ADAMTS18: variants seen among roughly 807,000 people sequenced by gnomAD.
The protein encoded by ADAMTS18 is A disintegrin and metalloproteinase with thrombospondin motifs 18.
A neutral mutation model predicts 165.9 loss-of-function variants in ADAMTS18; 157 were observed. The ratio of observed to expected loss-of-function variants is 0.95; its 90% CI spans 0.83 to 1.08. The LOEUF (loss-of-function observed/expected upper bound fraction) is 1.08. ADAMTS18 is among the 50% of genes least tolerant of loss of function. The pLI, the probability that ADAMTS18 is intolerant of heterozygous loss-of-function variation, is 0.00. For synonymous variants in ADAMTS18, 782 were observed against 578.2 expected (o/e 1.35, Z -5.06); for missense variants, 2,040 against 1,534.0 (o/e 1.33, Z -5.51).
intron 4 of ADAMTS18, 132 bp downstream of exon 4, chr16:77,367,309 A>G (rs1295804497): frequency 2.2e-6 from 2 of 929,316 alleles, no homozygotes; most frequent in South Asian, 2.8e-5. Context: ...AGAGATAATT[A>G]CTGGTCCTAC....
At chr16:77,328,633 A>G (rs758029284) in intron 12 of ADAMTS18, among the ~76,000 whole-genome samples, 3 of 152,188 alleles carry the variant, frequency 2.0e-5, no homozygotes, top group Non-Finnish European at 4.4e-5. Context: ...CACTTAGAAA[A>G]ATCTTTAAGT....
At chr16:77,346,483 A>T (rs2056478589) in intron 10 of ADAMTS18, among the ~76,000 whole-genome samples, 1 of 152,172 alleles carries the variant, frequency 6.6e-6, no homozygotes. Flanking sequence ...AAAAATAATA[A>T]CATGAAAGAA....
intron 3 of ADAMTS18, among the ~76,000 whole-genome samples, chr16:77,401,621 C>T (rs1359545372): frequency 6.6e-6 from 1 of 152,092 alleles, no homozygotes; most frequent in Non-Finnish European, 1.5e-5. Context: ...ATTGACTGGG[C>T]TAAGGGATTC....
chr16:77,404,729 C>A (rs2057372791), intron 3 of ADAMTS18, among the ~76,000 whole-genome samples: 1 of 152,098 alleles, frequency 6.6e-6, no homozygotes, highest in Admixed American at 6.5e-5. Context: ...ACTCTGTGAT[C>A]CTTTGCGTCT....
intron 3 of ADAMTS18, among the ~76,000 whole-genome samples, chr16:77,380,170 G>A (rs1364683306): frequency 6.6e-6 from 1 of 152,168 alleles, no homozygotes; most frequent in Non-Finnish European, 1.5e-5. Context: ...ACCCACTGGG[G>A]CTCCAGAACA....
At chr16:77,376,880 T>C (rs184324858) in intron 3 of ADAMTS18, among the ~76,000 whole-genome samples, 1 of 144,092 alleles carries the variant, frequency 6.9e-6, no homozygotes, top group African/African-American at 2.7e-5. Flanking sequence ...AGTGGGGTGA[T>C]CTCAGCTCAC....
chr16:77,312,346 C>T (rs920164915), intron 16 of ADAMTS18, among the ~76,000 whole-genome samples: 3 of 151,868 alleles, frequency 2.0e-5, no homozygotes, highest in African/African-American at 7.3e-5. Flanking sequence ...AAGAAATTCT[C>T]CCTGCCTCAG....
In ADAMTS18 at chr16:77,285,550, A is replaced by G. The variant is rs2055233705; in HGVS notation, c.3551-1479T>C. Among the ~76,000 whole-genome samples, 3 of 151,186 alleles carry G rather than the reference A, an allele frequency of 2.0e-5. No individual in the cohort carries two copies. The South Asian group carries it at 6.2e-4, about 31-fold the overall frequency. On this transcript the variant is annotated intron_variant, in intron 22 of 22. Coordinates refer to ENST00000282849, the MANE Select transcript of ADAMTS18 (RefSeq NM_199355.4). ...CACTACACATAATTCAGAAATGCTT[A>G]GAGTTCCTTCTTCAAGCCTTGATTT...
chr16:77,356,020 G>A lies in ADAMTS18; in HGVS notation c.1380C>T (p.Ile460=). 1 of 1,614,088 alleles carries A rather than the reference G, an allele frequency of 6.2e-7. No homozygotes were observed. The highest frequency in any genetic ancestry group is 8.5e-7 in the Non-Finnish European group (1 of 1,179,970). The change falls in exon 9 of 23, where the codon ATC becomes ATT. Residue 460 remains isoleucine (I), a synonymous_variant. Transcript: ENST00000282849. ...GNPCRKAEGN[I]MSPTLTGNNG... The stretch of plus-strand genomic sequence containing the variant: ...TGTTTCCGGTCAGTGTGGGAGACAT[G>A]ATATTGCCTTCAGCCTTTCTGCAGG...
In ADAMTS18 at chr16:77,333,213, T is replaced by C. The variant is rs144383014; in HGVS notation, c.1859+2543A>G. On this transcript the variant is annotated intron_variant, in intron 12 of 22. Coordinates refer to ENST00000282849, the MANE Select transcript of ADAMTS18 (RefSeq NM_199355.4). ...CTTCCCTCGGTGCACATGGACTTTA[T>C]ATGCAAACAGTAAAACTCTGGTTGA... is the stretch of plus-strand genomic sequence containing the variant. Among the ~76,000 whole-genome samples the C allele has an allele frequency of 3.4e-4, 52 of 152,248 alleles. 3 individuals carry two copies. In the East Asian group the frequency reaches 9.9e-3, roughly 29 times the overall value.
Position 77,283,980 on chromosome 16 carries a change from G to A in ADAMTS18, c.3642C>T (p.Cys1214=). The A allele has an allele frequency of 6.2e-7, 1 of 1,613,860 alleles. No individual in the cohort carries two copies. The highest frequency in any genetic ancestry group is 8.5e-7 in the Non-Finnish European group (1 of 1,179,828). ...ATCAGATCTTCCTTGTGCATGACTT[G>A]CAGCATTGTTTTCCGTAAAACTTGT... is the stretch of plus-strand genomic sequence containing the variant. ...CNHKFYGKQC[C]KSCTRKI Residue 1214 remains cysteine, a synonymous_variant, in exon 23 of 23, where the codon TGC becomes TGT. Transcript: ENST00000282849.
At chr16:77,423,655 C>CATT (rs2057633009) in intron 3 of ADAMTS18, among the ~76,000 whole-genome samples, 1 of 152,170 alleles carries the variant, frequency 6.6e-6, no homozygotes, top group African/African-American at 2.4e-5. Flanking sequence ...AGTCCAAAGA[C>CATT]ATTACACTAT....
At chr16:77,356,984 AATTT>A (rs1567509173) in intron 8 of ADAMTS18, among the ~76,000 whole-genome samples, 1 of 115,912 alleles carries the variant, frequency 8.6e-6, no homozygotes, top group East Asian at 2.1e-4. Flanking sequence ...TCTTTTCTGA[AATTT>A]TTTTTTTTTT....
intron 3 of ADAMTS18, among the ~76,000 whole-genome samples, chr16:77,371,255 G>C (rs1220394562): frequency 2.3e-5 from 3 of 129,974 alleles, no homozygotes; most frequent in Admixed American, 7.6e-5. Flanking sequence ...AAACAAAAAC[G>C]GAGAAAAAGA....
At chr16:77,307,721 T>C (rs1416682303) in intron 16 of ADAMTS18, among the ~76,000 whole-genome samples, 1 of 152,196 alleles carries the variant, frequency 6.6e-6, no homozygotes, top group Non-Finnish European at 1.5e-5. Context: ...TCTCTGCTTC[T>C]TTTGTGTCTT....
intron 11 of ADAMTS18, among the ~76,000 whole-genome samples, chr16:77,338,171 T>A (rs1190037848): frequency 6.6e-6 from 1 of 152,166 alleles, no homozygotes; most frequent in African/African-American, 2.4e-5. Context: ...CCGAAAGTGC[T>A]GGGATTATAG....
At chr16:77,378,788 A>G (rs1173826323) in intron 3 of ADAMTS18, 1 of 152,162 alleles carries the variant, frequency 6.6e-6, no homozygotes, top group Non-Finnish European at 1.5e-5. Flanking sequence ...CTCAATACAT[A>G]TTTATTATCA....
Position 77,367,456 on chromosome 16 carries a change from C to G in ADAMTS18, c.763G>C (p.Gly255Arg). The G allele has an allele frequency of 1.2e-6, 2 of 1,614,180 alleles. No individual in the cohort carries two copies. The highest frequency in any genetic ancestry group is 1.7e-6 in the Non-Finnish European group (2 of 1,180,036). The change falls in exon 4 of 23, where the codon GGA (glycine) becomes CGA (arginine). Residue 255 changes from glycine (G) to arginine (R), a missense_variant. Physicochemically the swap from Gly to Arg is moderately radical, Grantham distance 125 (BLOSUM62 -2). Coordinates refer to ENST00000282849, the MANE Select transcript of ADAMTS18 (RefSeq NM_199355.4). ...CCTTACATACATTTCTTGCGTCGTC[C>G]ACAAAAATGCTGCTTTTGCAACCTT... ...HRRLQKQHFC[G>R]RRKKYAPKPP...
At chr16:77,432,809 C>T (rs1044637651) in intron 2 of ADAMTS18, among the ~76,000 whole-genome samples, 1 of 151,526 alleles carries the variant, frequency 6.6e-6, no homozygotes, top group Non-Finnish European at 1.5e-5. Context: ...GCCCCTGTAG[C>T]TAGCAAAGAT....
Sources: gnomAD v4.1 joint callset for allele counts (sites outside exome capture counted in the v4.1 genomes callset) on GRCh38, gnomAD v4.1.1 for gene constraint, MANE v1.5 for transcripts, NCBI Gene and HGNC (gene_info 2026-07-23, HGNC 2026-07-21) for gene names.